The following TENM1 variants were observed in gnomAD, a reference collection of about 807,000 sequenced individuals.
TENM1 encodes the protein teneurin-1.
TENM1 carries 35 observed loss-of-function variants against 174.8 expected under a neutral mutation model. The ratio of observed to expected loss-of-function variants is 0.20; its 90% CI spans 0.15 to 0.27. The LOEUF is 0.27. Ranked by LOEUF, TENM1 falls within the 10% of genes least tolerant of loss-of-function variation. TENM1 has a pLI of 1.00. For synonymous variants in TENM1, 781 were observed against 798.7 expected (o/e 0.98, Z 0.37); for missense variants, 1,633 against 2,130.1 (o/e 0.77, Z 4.59).
the TENM1 span, among the ~76,000 whole-genome samples, chrX:125,123,056 T>C: frequency 9.0e-6 from 1 of 111,557 alleles, no homozygotes; most frequent in Non-Finnish European, 1.9e-5. Flanking sequence ...AGCAGAAACA[T>C]GTAAATATTG....
chrX:125,081,876 G>C, the TENM1 span, among the ~76,000 whole-genome samples: 1 of 111,073 alleles, frequency 9.0e-6, no homozygotes, highest in African/African-American at 3.3e-5. Flanking sequence ...ATTATATTGA[G>C]TGAAATGAGA....
At chrX:125,153,861 C>G in the TENM1 span, among the ~76,000 whole-genome samples, 1 of 112,415 alleles carries the variant, frequency 8.9e-6, no homozygotes, top group Non-Finnish European at 1.9e-5. Context: ...GGACATCTGT[C>G]TCTGCACTTA....
the TENM1 span, among the ~76,000 whole-genome samples, chrX:125,015,818 G>A: frequency 1.5e-4 from 17 of 111,496 alleles, no homozygotes; most frequent in East Asian, 4.5e-3. Context: ...CCATTAGTTC[G>A]TGCAACCACA....
At chrX:124,386,843 T>A (rs2060225304) in intron 28 of TENM1, among the ~76,000 whole-genome samples, 1 of 109,572 alleles carries the variant, frequency 9.1e-6, no homozygotes. Context: ...GCCTCCTGAG[T>A]AACTGGGACT....
exon 29 of TENM1, chrX:124,385,760 G>A: frequency 8.3e-7 from 1 of 1,210,421 alleles, no homozygotes; most frequent in Non-Finnish European, 1.1e-6. Flanking sequence ...CTCTTCATAT[G>A]TTAATGTGAC....
the TENM1 span, among the ~76,000 whole-genome samples, chrX:125,119,953 C>T: frequency 5.4e-5 from 6 of 111,384 alleles, no homozygotes; most frequent in Admixed American, 9.6e-5. Flanking sequence ...CCAAATCCTA[C>T]GTCGGTCTTT....
upstream of TENM1, among the ~76,000 whole-genome samples, chrX:124,967,658 T>C (rs1162577456): frequency 9.0e-6 from 1 of 111,571 alleles, no homozygotes; most frequent in African/African-American, 3.3e-5. Context: ...ACATTAGTAG[T>C]TCAAGTCAGA....
In TENM1 at chrX:124,583,216, C is replaced by T. The variant is rs376068774; in HGVS notation, c.2078-17656G>A. Among the ~76,000 whole-genome samples, 177 of 111,446 alleles carry T rather than the reference C, an allele frequency of 1.6e-3. 10 individuals are homozygous for T. Among genetic ancestry groups the T allele is most frequent in the East Asian group, 0.015 (52 of 3,497 alleles). ...CAGCACGCAGCTGGAGATCTGAGAACGGGCAGACTGCCTCCTCAGGTGGGT... is the reference window on the plus strand; with the variant it reads ...CAGCACGCAGCTGGAGATCTGAGAATGGGCAGACTGCCTCCTCAGGTGGGT... On this transcript the variant is annotated intron_variant, in intron 11 of 31. Coordinates refer to ENST00000422452, the Ensembl canonical transcript of TENM1.
At chrX:124,965,163 C>T (rs746259068), upstream of TENM1, among the ~76,000 whole-genome samples, 1 of 111,458 alleles carries the variant, frequency 9.0e-6, no homozygotes, top group African/African-American at 3.3e-5. Flanking sequence ...CTGCAAGCTC[C>T]GTCTCCCGGG....
the TENM1 span, among the ~76,000 whole-genome samples, chrX:125,089,074 G>A: frequency 9.0e-6 from 1 of 111,212 alleles, no homozygotes; most frequent in African/African-American, 3.3e-5. Context: ...ATAGAGGTTT[G>A]TCTCAGAAAC....
At chrX:125,066,377 A>G in the TENM1 span, among the ~76,000 whole-genome samples, 1 of 111,886 alleles carries the variant, frequency 8.9e-6, no homozygotes, top group East Asian at 2.8e-4. Flanking sequence ...TTACATACTT[A>G]TGCTAATGAA....
At chrX:125,106,084 G>A in the TENM1 span, among the ~76,000 whole-genome samples, 1 of 111,694 alleles carries the variant, frequency 9.0e-6, no homozygotes, top group Non-Finnish European at 1.9e-5. Context: ...TTGCCTAAAT[G>A]AGTCCTTCTC....
the TENM1 span, among the ~76,000 whole-genome samples, chrX:124,996,459 C>A: frequency 9.2e-6 from 1 of 108,206 alleles, no homozygotes; most frequent in African/African-American, 3.4e-5. Context: ...AGAAACCCAG[C>A]AGCTGCTTAC....
chrX:124,774,472 A>T (rs2054736322), intron 3 of TENM1, among the ~76,000 whole-genome samples: 1 of 111,906 alleles, frequency 8.9e-6, no homozygotes, highest in East Asian at 2.8e-4. Context: ...ATGGGAAGAA[A>T]TAATGATGAT....
At chrX:125,067,068 C>A in the TENM1 span, among the ~76,000 whole-genome samples, 1 of 110,757 alleles carries the variant, frequency 9.0e-6, no homozygotes, top group East Asian at 2.9e-4. Flanking sequence ...GGATCCCCTG[C>A]TATGAACTTC....
chrX:125,119,565 A>G, the TENM1 span, among the ~76,000 whole-genome samples: 1 of 110,223 alleles, frequency 9.1e-6, no homozygotes, highest in South Asian at 3.8e-4. Flanking sequence ...CTAATTCCCC[A>G]ATGTACTTAT....
intron 11 of TENM1, among the ~76,000 whole-genome samples, chrX:124,589,763 T>C (rs2049683475): frequency 9.0e-6 from 1 of 111,539 alleles, no homozygotes; most frequent in African/African-American, 3.3e-5. Flanking sequence ...GTTGTAATGT[T>C]ATCTTTGTTA....
intron 3 of TENM1, among the ~76,000 whole-genome samples, chrX:124,886,002 G>A (rs1377983102): frequency 4.5e-5 from 5 of 111,589 alleles, no homozygotes; most frequent in Non-Finnish European, 9.4e-5. Flanking sequence ...AAGGTAACAC[G>A]AATGACTTAA....
chrX:124,481,713 T>A lies in TENM1; in HGVS notation c.3949+19A>T, dbSNP rs5958502. 3.2e-3 allele frequency: 649 copies of A among 203,179 alleles called. No individual in the cohort carries two copies. Among genetic ancestry groups the A allele is most frequent in the Middle Eastern group, 4.8e-3 (4 of 825 alleles). The allele number at this position is 203,179 out of a possible 1,213,427, so 16.7% of individuals were successfully genotyped here. A position where few individuals can be genotyped will look rare whatever the true frequency, so the allele number is the denominator to read the frequency against. ...CCCAAGGGTATATATATATATATATTTATTTATTTATTTTTTACCTCGAGG... is the reference window on the plus strand; with the variant it reads ...CCCAAGGGTATATATATATATATATATATTTATTTATTTTTTACCTCGAGG... On this transcript the variant is annotated intron_variant, in intron 22 of 31. Coordinates refer to ENST00000422452, the Ensembl canonical transcript of TENM1.
Sources: gnomAD v4.1 joint callset for allele counts (sites outside exome capture counted in the v4.1 genomes callset) on GRCh38, gnomAD v4.1.1 for gene constraint, MANE v1.5 for transcripts, NCBI Gene and HGNC (gene_info 2026-07-23, HGNC 2026-07-21) for gene names.